PXDN: variants seen among roughly 807,000 people sequenced by gnomAD.
The protein encoded by PXDN is peroxidasin.
PXDN carries 77 observed loss-of-function variants against 140.3 expected under a neutral mutation model. That is an observed-to-expected ratio of 0.55 (90% CI 0.46 to 0.66). The LOEUF is 0.66. PXDN is among the 30% of genes least tolerant of loss of function. The pLI, the probability that PXDN is intolerant of heterozygous loss-of-function variation, is 0.00. For missense variants in PXDN, 1,838 were observed against 2,039.5 expected, an observed-to-expected ratio of 0.90 and a Z score of 1.90; for synonymous variants, 911 against 857.4, an observed-to-expected ratio of 1.06 and a Z score of -1.09.
intron 1 of PXDN, among the ~76,000 whole-genome samples, chr2:1,732,574 A>G (rs1345513371): frequency 6.6e-6 from 1 of 152,224 alleles, no homozygotes; most frequent in Non-Finnish European, 1.5e-5. Context: ...GATGAGCCTT[A>G]GTAAAGCACT....
At chr2:1,705,903 C>T (rs943690581) in intron 1 of PXDN, among the ~76,000 whole-genome samples, 1 of 152,122 alleles carries the variant, frequency 6.6e-6, no homozygotes, top group Non-Finnish European at 1.5e-5. Flanking sequence ...GAGAGTTTCC[C>T]GCGTGGAGTG....
chr2:1,658,027 GCTCTCT>G (rs1156959508), intron 14 of PXDN, among the ~76,000 whole-genome samples: 57 of 4,866 alleles, frequency 0.012, no homozygotes, highest in Non-Finnish European at 0.015. Context: ...TCAGCTGTGG[GCTCTCT>G]CTCTCTCTCT....
intron 1 of PXDN, among the ~76,000 whole-genome samples, chr2:1,711,894 G>A (rs528029849): frequency 6.6e-6 from 1 of 152,322 alleles, no homozygotes; most frequent in South Asian, 2.1e-4. Flanking sequence ...CAGGAGGCAG[G>A]AGGCTGACCC....
At chr2:1,675,556 C>G (rs183570127) in intron 8 of PXDN, among the ~76,000 whole-genome samples, 19 of 152,264 alleles carry the variant, frequency 1.2e-4, no homozygotes, top group African/African-American at 4.6e-4. Flanking sequence ...GGCACTGCAG[C>G]CAAGGTCAAT....
At chr2:1,731,410 G>T (rs868389497) in intron 1 of PXDN, among the ~76,000 whole-genome samples, 1 of 152,074 alleles carries the variant, frequency 6.6e-6, no homozygotes, top group African/African-American at 2.4e-5. Flanking sequence ...TCTCCAGTGC[G>T]CTGGGAGCAG....
In PXDN at chr2:1,639,185, C is replaced by A; in HGVS notation, c.4073+117G>T. Reference sequence around the variant, plus strand: ...CGGCCTGGCCCCCAGTGCCCTGGGACGTCCCTGCCAGGAACCATCCTCGCC... The same window carrying A: ...CGGCCTGGCCCCCAGTGCCCTGGGAAGTCCCTGCCAGGAACCATCCTCGCC... On this transcript the variant is annotated intron_variant, in intron 20 of 22. Transcript: ENST00000252804. The surrounding 1 kb of genome is among the most constrained non-coding windows in gnomAD (Gnocchi z 5.0). 1 of 1,501,570 alleles carries A rather than the reference C, an allele frequency of 6.7e-7. No homozygotes were observed. The highest frequency in any genetic ancestry group is 9.0e-7 in the Non-Finnish European group (1 of 1,115,730). 93.0% of individuals were successfully genotyped at this position (1,501,570 alleles called of 1,614,324 possible).
In PXDN at chr2:1,662,170, C is replaced by T; in HGVS notation, c.1582G>A (p.Ala528Thr). Reference protein sequence around the residue: ...TVQPRVTPVFASIPSDTTVEV... With the variant: ...TVQPRVTPVFTSIPSDTTVEV... ...ACTGTTGTGTCGCTGGGAATGCTGGCAAACACTGGGGTGACTGGAAGGCAG... is the reference window on the plus strand; with the variant it reads ...ACTGTTGTGTCGCTGGGAATGCTGGTAAACACTGGGGTGACTGGAAGGCAG... Residue 528 changes from alanine (A) to threonine (T), a missense_variant, in exon 13 of 23, where the codon GCC becomes ACC. Coordinates refer to ENST00000252804, the MANE Select transcript of PXDN (RefSeq NM_012293.3). The T allele has an allele frequency of 1.3e-6, 2 of 1,588,374 alleles. No homozygotes were observed. The highest frequency in any genetic ancestry group is 1.7e-4 in the Middle Eastern group (1 of 6,034).
chr2:1,709,763 C>T (rs1476701894), intron 1 of PXDN, among the ~76,000 whole-genome samples: 3 of 152,162 alleles, frequency 2.0e-5, no homozygotes, highest in South Asian at 2.1e-4. Flanking sequence ...TCATGAGATT[C>T]GTGTCCTTCT....
chr2:1,666,108 C>T, intron 10 of PXDN, 106 bp downstream of exon 10: 2 of 1,431,688 alleles, frequency 1.4e-6, no homozygotes, highest in South Asian at 1.4e-5. Context: ...GTGAAGTGGA[C>T]AGGGCAGAAG....
chr2:1,658,758 C>G (rs879762266), intron 14 of PXDN, among the ~76,000 whole-genome samples: 9 of 145,608 alleles, frequency 6.2e-5, no homozygotes, highest in Non-Finnish European at 1.2e-4. Flanking sequence ...CTCCCCACCC[C>G]CCGGCATCGG....
chr2:1,645,323 A>G (rs1292846821), intron 17 of PXDN, among the ~76,000 whole-genome samples: 1 of 152,222 alleles, frequency 6.6e-6, no homozygotes, highest in South Asian at 2.1e-4. Flanking sequence ...CCAATTCCTT[A>G]GAAATATAGG....
chr2:1,711,607 C>A (rs1231901191), intron 1 of PXDN, among the ~76,000 whole-genome samples: 2 of 137,084 alleles, frequency 1.5e-5, no homozygotes, highest in Non-Finnish European at 1.6e-5. Flanking sequence ...CACTCTCCAC[C>A]AGCACCCACT....
intron 3 of PXDN, among the ~76,000 whole-genome samples, chr2:1,690,573 T>G (rs1286515019): frequency 2.1e-5 from 3 of 146,254 alleles, no homozygotes; most frequent in Admixed American, 1.4e-4. Flanking sequence ...CAAGGAATGC[T>G]GGCTATCAGC....
Position 1,673,653 on chromosome 2 carries a change from G to A in PXDN, c.1008C>T (p.Phe336=), listed in dbSNP as rs374531463. 1.9e-5 allele frequency: 31 copies of A among 1,610,660 alleles called. No individual in the cohort carries two copies. In the East Asian group the frequency reaches 3.1e-4, roughly 16 times the overall value. The change falls in exon 9 of 23, where the codon TTC becomes TTT. Residue 336 remains phenylalanine, a synonymous_variant. Coordinates refer to ENST00000252804, the MANE Select transcript of PXDN (RefSeq NM_012293.3). ...VKTQEVTLRY[F]GSPARPTFVI... is the part of the protein sequence containing the mutation. ...ATGCCCGCCACATACCTGGAGACCC[G>A]AAGTACCTGAGGGTCACCTCTTGCG...
intron 14 of PXDN, among the ~76,000 whole-genome samples, chr2:1,658,821 C>T (rs1338876746): frequency 6.8e-6 from 1 of 146,146 alleles, no homozygotes; most frequent in Non-Finnish European, 1.5e-5. Flanking sequence ...CCAGGCTGCC[C>T]CTGCCACCCC....
At chr2:1,645,587 T>C (rs1682833597) in intron 17 of PXDN, among the ~76,000 whole-genome samples, 1 of 152,246 alleles carries the variant, frequency 6.6e-6, no homozygotes, top group Non-Finnish European at 1.5e-5. Context: ...TCACTGGCCA[T>C]TGGTCTTACC....
At chr2:1,704,762 G>A (rs556729105) in intron 1 of PXDN, among the ~76,000 whole-genome samples, 44 of 152,218 alleles carry the variant, frequency 2.9e-4, no homozygotes, top group African/African-American at 9.6e-4. Context: ...TTTTCCAAGG[G>A]ATGCAGTCAG....
At position 1,663,599 on chromosome 2, in the gene PXDN, AC is replaced by A. The variant is rs750644551; in HGVS notation, c.1567+5del. The A allele has an allele frequency of 1.2e-6, 2 of 1,613,738 alleles. No homozygotes were observed. Among genetic ancestry groups the A allele is most frequent in the South Asian group, 2.2e-5 (2 of 91,070 alleles). On this transcript the variant is annotated splice_donor_5th_base_variant and intron_variant, in intron 12 of 22. Transcript: ENST00000252804. ...TCAATTCAGTCCACAACCTCCTGGC[AC>A]CTACCTCTGGGCTGCACAGTCAGGT...
At chr2:1,677,598 G>A (rs1212004396) in intron 7 of PXDN, among the ~76,000 whole-genome samples, 1 of 152,098 alleles carries the variant, frequency 6.6e-6, no homozygotes, top group African/African-American at 2.4e-5. Context: ...GACTCCACAT[G>A]GCTTCCGAGG....
Sources: gnomAD v4.1 joint callset for allele counts (sites outside exome capture counted in the v4.1 genomes callset) on GRCh38, gnomAD v4.1.1 for gene constraint, Gnocchi (gnomAD v3.1) non-coding constraint, MANE v1.5 for transcripts, NCBI Gene and HGNC (gene_info 2026-07-23, HGNC 2026-07-21) for gene names.